The following MAPK10 variants were observed in gnomAD, a reference collection of about 807,000 sequenced individuals.
The protein encoded by MAPK10 is mitogen-activated protein kinase 10.
In MAPK10, 25 loss-of-function variants were observed where a neutral mutation model predicts 59.3. The ratio of observed to expected loss-of-function variants is 0.42; its 90% CI spans 0.31 to 0.59. MAPK10 has a LOEUF of 0.59. MAPK10 is among the 20% of genes least tolerant of loss of function. MAPK10 has a pLI of 0.15. For missense variants in MAPK10, 351 were observed against 568.9 expected, an observed-to-expected ratio of 0.62 and a Z score of 3.90; for synonymous variants, 190 against 200.5, an observed-to-expected ratio of 0.95 and a Z score of 0.44.
chr4:86,566,111 C>A (rs1423926071), intron 1 of MAPK10, among the ~76,000 whole-genome samples: 3 of 152,200 alleles, frequency 2.0e-5, no homozygotes, highest in Admixed American at 1.3e-4. Context: ...CTCTTCCCTG[C>A]ACTCTTTTGG....
intron 1 of MAPK10, among the ~76,000 whole-genome samples, chr4:86,406,287 G>A (rs1744349918): frequency 6.6e-6 from 1 of 152,142 alleles, no homozygotes. Context: ...TCCTATTGCA[G>A]ACTCACTGAA....
chr4:86,177,358 G>A lies in MAPK10; in HGVS notation c.66+16978C>T, dbSNP rs141733882. 1.6e-4 allele frequency among the ~76,000 whole-genome samples: 24 copies of A among 152,122 alleles called. No individual in the cohort carries two copies. The East Asian group carries it at 4.4e-3, about 28-fold the overall frequency. ...GCAGGTTTTTCCTTTGCCCTGCTCT[G>A]CCAAAAATCTTTTTCTTTGTTGCTT... is the stretch of plus-strand genomic sequence containing the variant. On this transcript the variant is annotated intron_variant, in intron 3 of 13. Transcript: ENST00000641462.
chr4:86,151,175 G>A (rs906421717), intron 4 of MAPK10, among the ~76,000 whole-genome samples: 3 of 152,172 alleles, frequency 2.0e-5, no homozygotes, highest in African/African-American at 7.2e-5. Flanking sequence ...ACTGGGCAGG[G>A]AAGACTGGAG....
intron 1 of MAPK10, among the ~76,000 whole-genome samples, chr4:86,571,125 G>C (rs1761411522): frequency 6.7e-6 from 1 of 150,352 alleles, no homozygotes; most frequent in Admixed American, 6.6e-5. Flanking sequence ...CTGTGGGCCT[G>C]TCCTGTTTAT....
At chr4:86,093,586 CATAA>C (rs1298601316) in intron 9 of MAPK10, among the ~76,000 whole-genome samples, 2 of 151,836 alleles carry the variant, frequency 1.3e-5, no homozygotes, top group African/African-American at 4.8e-5. Flanking sequence ...CACTGATATA[CATAA>C]ATAAACTAAG....
intron 1 of MAPK10, among the ~76,000 whole-genome samples, chr4:86,436,156 T>C (rs1292053759): frequency 6.6e-6 from 1 of 152,224 alleles, no homozygotes; most frequent in Non-Finnish European, 1.5e-5. Context: ...GAGTTTATAC[T>C]TCTGGCAACC....
intron 1 of MAPK10, chr4:86,356,415 T>C (rs1280506304): frequency 2.3e-6 from 1 of 440,824 alleles, no homozygotes; most frequent in Non-Finnish European, 3.0e-6. Flanking sequence ...GTGTGAGGTC[T>C]ACTTTTTAAA....
At chr4:86,168,612 T>G (rs555660601) in intron 3 of MAPK10, among the ~76,000 whole-genome samples, 72 of 152,298 alleles carry the variant, frequency 4.7e-4, no homozygotes, top group Admixed American at 1.1e-3. Context: ...CCTGCCTCTG[T>G]AGGCTCCACC....
At chr4:86,523,405 C>T (rs1564985221) in intron 1 of MAPK10, among the ~76,000 whole-genome samples, 1 of 152,194 alleles carries the variant, frequency 6.6e-6, no homozygotes, top group Non-Finnish European at 1.5e-5. Context: ...GCAGGAGCAA[C>T]AGCACTGCCT....
chr4:86,157,085 T>C (rs956032490), intron 4 of MAPK10, among the ~76,000 whole-genome samples: 6 of 152,074 alleles, frequency 3.9e-5, no homozygotes, highest in African/African-American at 9.7e-5. Context: ...AAATATAGTA[T>C]AGTAATAACT....
intron 12 of MAPK10, 59 bp from the exon 13 acceptor site, chr4:86,029,333 T>C: frequency 9.4e-7 from 1 of 1,058,298 alleles, no homozygotes; most frequent in Non-Finnish European, 1.5e-6. Flanking sequence ...CACAGGGAAA[T>C]TCATTACTTA....
At chr4:86,538,578 G>GT (rs1354417718) in intron 1 of MAPK10, among the ~76,000 whole-genome samples, 1 of 152,164 alleles carries the variant, frequency 6.6e-6, no homozygotes, top group Non-Finnish European at 1.5e-5. Context: ...GAGTAAACCT[G>GT]TAAGGTTTTA....
At chr4:86,183,573 T>C (rs2077427355) in intron 3 of MAPK10, among the ~76,000 whole-genome samples, 1 of 152,124 alleles carries the variant, frequency 6.6e-6, no homozygotes, top group East Asian at 1.9e-4. Context: ...AAGTCTTTGC[T>C]ATTGTGAATA....
intron 1 of MAPK10, among the ~76,000 whole-genome samples, chr4:86,435,839 G>C (rs901130556): frequency 6.6e-6 from 1 of 152,252 alleles, no homozygotes; most frequent in East Asian, 1.9e-4. Flanking sequence ...ATTGAGCTGA[G>C]CCAAATTCAG....
chr4:86,316,247 G>A (rs2095785626), intron 2 of MAPK10, among the ~76,000 whole-genome samples: 1 of 152,088 alleles, frequency 6.6e-6, no homozygotes, highest in African/African-American at 2.4e-5. Flanking sequence ...CTTACTGCAT[G>A]CACCAAAAAT....
At chr4:86,347,377 A>T (rs1728818648) in intron 2 of MAPK10, among the ~76,000 whole-genome samples, 1 of 152,062 alleles carries the variant, frequency 6.6e-6, no homozygotes, top group Non-Finnish European at 1.5e-5. Context: ...CTTCAAATAA[A>T]CTCCAGGAAA....
At chr4:86,088,130 A>G (rs1017584406) in intron 9 of MAPK10, among the ~76,000 whole-genome samples, 5 of 152,110 alleles carry the variant, frequency 3.3e-5, no homozygotes, top group Non-Finnish European at 7.4e-5. Flanking sequence ...CTAATCGCAC[A>G]CTATTCATAT....
chr4:86,099,179 T>C (rs555027426), intron 8 of MAPK10: 1 of 152,468 alleles, frequency 6.6e-6, no homozygotes, highest in South Asian at 2.1e-4. Context: ...GACTTAGCTT[T>C]TCCTTCAGAA....
rs539702806 is a variant in MAPK10, at chr4:86,045,817, T to C, written c.1111-14386A>G. On this transcript the variant is annotated intron_variant, in intron 11 of 13. Transcript: ENST00000641462. ...CTGGGATTTTTGCATATACCCTTTC[T>C]TCTGCTTGCCTTTCTTCACTTGGAT... 1.6e-4 allele frequency among the ~76,000 whole-genome samples: 24 copies of C among 151,554 alleles called. No homozygotes were observed. The South Asian group carries it at 1.7e-3, about 11-fold the overall frequency.
Sources: allele counts gnomAD v4.1 joint callset (sites outside exome capture counted in the v4.1 genomes callset), GRCh38; gene constraint gnomAD v4.1.1; transcripts MANE v1.5; gene names NCBI Gene and HGNC (gene_info 2026-07-23, HGNC 2026-07-21).